CHRNB4: variants seen among roughly 807,000 people sequenced by gnomAD.
CHRNB4 encodes the protein neuronal acetylcholine receptor subunit beta-4.
A neutral mutation model predicts 40.4 loss-of-function variants in CHRNB4; 23 were observed. That is an observed-to-expected ratio of 0.57 (90% CI 0.41 to 0.81). The LOEUF is 0.81. Ranked by LOEUF, CHRNB4 falls within the 30% of genes least tolerant of loss-of-function variation. The probability of loss-of-function intolerance (pLI) is 0.00; values close to 1 mark genes in which losing one functional copy is unlikely to be tolerated. For missense variants in CHRNB4, 568 were observed against 670.6 expected, an observed-to-expected ratio of 0.85 and a Z score of 1.69; for synonymous variants, 285 against 274.4, an observed-to-expected ratio of 1.04 and a Z score of -0.38.
chr15:78,635,652 C>T lies in CHRNB4; in HGVS notation c.56-65G>A, dbSNP rs556915685. On this transcript the variant is annotated intron_variant, in intron 1 of 5. Transcript: ENST00000261751. The stretch of plus-strand genomic sequence containing the variant: ...ACCTGACCCCCACTGCAGCCTGTGG[C>T]AGCAGGGAGAGCTGAGAGGGAGCAC... 1.0e-4 allele frequency: 163 copies of T among 1,597,470 alleles called. No homozygotes were observed. The African/African-American group carries it at 1.8e-3, about 18-fold the overall frequency.
Position 78,625,168 on chromosome 15 carries a change from C to T in CHRNB4, c.1462G>A (p.Ala488Thr), listed in dbSNP as rs1596092986. The change falls in exon 6 of 6, where the codon GCT becomes ACT. Residue 488 changes from alanine to threonine, a missense_variant. This residue lies in a region of CHRNB4 where 242 missense variants were observed against 274.9 expected (regional missense o/e 0.88). Coordinates refer to ENST00000261751, the MANE Select transcript of CHRNB4 (RefSeq NM_000750.5). ...TGGGCAGCGTAGGGCCCCTCAGAAG[C>T]TGCATGGGTCTGGAAGAGGGGCGGT... ...FLPPLFQTHA[A>T]SEGPYAAQRD The T allele has an allele frequency of 1.2e-6, 2 of 1,613,646 alleles. No homozygotes were observed. The highest frequency in any genetic ancestry group is 1.7e-6 in the Non-Finnish European group (2 of 1,179,812).
At chr15:78,654,770 C>G (rs1030865572) in intron 5 of CHRNB4, among the ~76,000 whole-genome samples, 1 of 152,134 alleles carries the variant, frequency 6.6e-6, no homozygotes, top group Non-Finnish European at 1.5e-5. Flanking sequence ...AAATGTTCAG[C>G]TAAATGAATT....
chr15:78,627,083 C>T (rs2053675139), intron 5 of CHRNB4: 1 of 152,212 alleles, frequency 6.6e-6, no homozygotes, highest in Non-Finnish European at 1.5e-5. Context: ...AGGGTGGTCC[C>T]ACAGTGTTGC....
intron 5 of CHRNB4, among the ~76,000 whole-genome samples, chr15:78,654,798 C>G (rs1433819846): frequency 6.6e-6 from 1 of 152,160 alleles, no homozygotes; most frequent in Non-Finnish European, 1.5e-5. Flanking sequence ...ACTGAACACA[C>G]CTGTGTAACC....
At position 78,629,560 on chromosome 15, in the gene CHRNB4, G is replaced by A; in HGVS notation, c.745C>T (p.Leu249=). The A allele has an allele frequency of 6.2e-7, 1 of 1,614,180 alleles. No homozygotes were observed. Among genetic ancestry groups the A allele is most frequent in the Non-Finnish European group, 8.5e-7 (1 of 1,180,032 alleles). ...GGCAGGTAGAAGACGAGGATGGCCAGCAAGGTGGTGAGCACGCAGGGGATG... is the reference window on the plus strand; with the variant it reads ...GGCAGGTAGAAGACGAGGATGGCCAACAAGGTGGTGAGCACGCAGGGGATG... ...LIIPCVLTTL[L]AILVFYLPSD... Residue 249 remains leucine, a synonymous_variant, in exon 5 of 6, where the codon CTG becomes TTG. Transcript: ENST00000261751. This position sits in a 1 kb window ranked among gnomAD's most constrained non-coding sequence, Gnocchi z 6.8.
At chr15:78,642,515 TG>T (rs1375506289), upstream of CHRNB4, among the ~76,000 whole-genome samples, 1 of 152,140 alleles carries the variant, frequency 6.6e-6, no homozygotes, top group Non-Finnish European at 1.5e-5. Flanking sequence ...GCTGGGAGCT[TG>T]GGTGTATGCC....
At chr15:78,661,080 G>A (rs140931927), upstream of CHRNB4, 144 of 601,236 alleles carry the variant, frequency 2.4e-4, 2 homozygotes, top group East Asian at 8.2e-4. Context: ...GACCTCTGGC[G>A]CGCTTGAACT....
intron 1 of CHRNB4, among the ~76,000 whole-genome samples, chr15:78,636,579 T>C (rs1358860961): frequency 6.6e-6 from 1 of 152,002 alleles, no homozygotes; most frequent in African/African-American, 2.4e-5. Flanking sequence ...CCTTTCCCCC[T>C]GTGACCTTCA....
upstream of CHRNB4, among the ~76,000 whole-genome samples, chr15:78,641,696 G>C (rs372218452): frequency 1.3e-5 from 2 of 152,338 alleles, no homozygotes; most frequent in African/African-American, 4.8e-5. Context: ...AAAAGTGAGT[G>C]GAATCTGGGA....
Position 78,629,827 on chromosome 15 carries a change from A to G in CHRNB4, c.478T>C (p.Phe160Leu). Residue 160 changes from phenylalanine to leucine, a missense_variant, in exon 5 of 6, where the codon TTT becomes CTT. By Grantham distance (22) the Phe-to-Leu change is conservative. Around this residue, in one of 4 missense-constraint regions of CHRNB4, gnomAD observed 127 missense variants for 167.4 expected, o/e 0.76. Transcript: ENST00000261751. This position sits in a 1 kb window ranked among gnomAD's most constrained non-coding sequence, Gnocchi z 6.8. Reference sequence around the variant, plus strand: ...GTGCAGTTCTGCTGGTCGAAGGGAAAGTACTTCACCTCAATCTTGCAGGCG... The same window carrying G: ...GTGCAGTTCTGCTGGTCGAAGGGAAGGTACTTCACCTCAATCTTGCAGGCG... ...KSACKIEVKY[F>L]PFDQQNCTLK... is the part of the protein sequence containing the mutation. 6.2e-7 allele frequency: 1 copy of G among 1,614,136 alleles called. No homozygotes were observed. Among genetic ancestry groups the G allele is most frequent in the Non-Finnish European group, 8.5e-7 (1 of 1,180,034 alleles).
At chr15:78,641,342 GTCT>G, upstream of CHRNB4, 1 of 481,270 alleles carries the variant, frequency 2.1e-6, no homozygotes. Context: ...CCCCTGGGTG[GTCT>G]GGACCCCACC....
intron 5 of CHRNB4, chr15:78,627,440 AT>A (rs1326419282): frequency 4.0e-5 from 6 of 151,778 alleles, no homozygotes; most frequent in Non-Finnish European, 8.8e-5. Flanking sequence ...ATTTGTTTGC[AT>A]TTCTCTTCTT....
chr15:78,649,789 T>C (rs975368559), intron 6 of CHRNB4, among the ~76,000 whole-genome samples: 6 of 152,010 alleles, frequency 3.9e-5, no homozygotes, highest in Non-Finnish European at 8.8e-5. Flanking sequence ...AGAGAAGTGG[T>C]TACCTCTGGG....
Position 78,655,213 on chromosome 15 carries a change from ATT to A in CHRNB4, c.-110+329_-110+330del, listed in dbSNP as rs912409201. ...TATGAACACAATTATACAGTACATA[ATT>A]TTTTTTTTTTGAGAGTGAGACTTGC... On this transcript the variant is annotated intron_variant and NMD_transcript_variant, in intron 5 of 11. Coordinates refer to the CHRNB4 transcript ENST00000559849. Among the ~76,000 whole-genome samples the A allele has an allele frequency of 2.9e-3, 422 of 146,074 alleles. 2 individuals are homozygous for A. Among genetic ancestry groups the A allele is most frequent in the African/African-American group, 9.5e-3 (383 of 40,182 alleles).
At chr15:78,633,410 T>A (rs1162166027) in intron 2 of CHRNB4, among the ~76,000 whole-genome samples, 3 of 152,196 alleles carry the variant, frequency 2.0e-5, no homozygotes, top group African/African-American at 7.2e-5. Flanking sequence ...TTCTCCACCA[T>A]ACCTAGAGTG....
upstream of CHRNB4, among the ~76,000 whole-genome samples, chr15:78,644,575 GT>G (rs1157260361): frequency 6.6e-6 from 1 of 152,130 alleles, no homozygotes; most frequent in Non-Finnish European, 1.5e-5. Context: ...AACTTCTGTT[GT>G]TTGTAAATTA....
At chr15:78,646,994 T>C (rs938169275) in intron 7 of CHRNB4, among the ~76,000 whole-genome samples, 4 of 151,828 alleles carry the variant, frequency 2.6e-5, no homozygotes, top group Non-Finnish European at 4.4e-5. Flanking sequence ...TATAAAAAAT[T>C]AGCTGGGTGT....
At chr15:78,643,953 T>A (rs2054102559), upstream of CHRNB4, among the ~76,000 whole-genome samples, 1 of 143,524 alleles carries the variant, frequency 7.0e-6, no homozygotes, top group Admixed American at 7.3e-5. Flanking sequence ...ATCGAGACCA[T>A]CCTGGCTAAC....
intron 2 of CHRNB4, among the ~76,000 whole-genome samples, chr15:78,633,901 G>A (rs1225101579): frequency 6.6e-6 from 1 of 150,760 alleles, no homozygotes; most frequent in Non-Finnish European, 1.5e-5. Flanking sequence ...GCAGGTGGAA[G>A]GGTCAGGGAA....
Sources: gnomAD v4.1 joint callset for allele counts (sites outside exome capture counted in the v4.1 genomes callset) on GRCh38, gnomAD v4.1.1 for gene constraint, gnomAD v4.1.1 regional missense constraint, Gnocchi (gnomAD v3.1) non-coding constraint, MANE v1.5 for transcripts, NCBI Gene and HGNC (gene_info 2026-07-23, HGNC 2026-07-21) for gene names.